TNS1: variants seen among roughly 807,000 people sequenced by gnomAD.
The protein encoded by TNS1 is tensin-1.
TNS1 carries 62 observed loss-of-function variants against 168.6 expected under a neutral mutation model. The ratio of observed to expected loss-of-function variants is 0.37; its 90% CI spans 0.30 to 0.45. The LOEUF (loss-of-function observed/expected upper bound fraction) is 0.45, where lower values mean the gene tolerates loss of function less well. TNS1 is among the 20% of genes least tolerant of loss of function. The pLI is 1.00. For missense variants in TNS1, 2,240 were observed against 2,339.4 expected, an observed-to-expected ratio of 0.96 and a Z score of 0.88; for synonymous variants, 934 against 933.2, an observed-to-expected ratio of 1.00 and a Z score of -0.02.
At chr2:217,961,914 G>C (rs779391132) in intron 3 of TNS1, among the ~76,000 whole-genome samples, 9 of 152,180 alleles carry the variant, frequency 5.9e-5, no homozygotes, top group African/African-American at 2.2e-4. Flanking sequence ...CCTTGAAAAG[G>C]TGGGTGGCCT....
chr2:217,827,963 G>A (rs1236677429), intron 22 of TNS1, among the ~76,000 whole-genome samples: 1 of 152,240 alleles, frequency 6.6e-6, no homozygotes, highest in African/African-American at 2.4e-5. Context: ...GAGTGTTTGA[G>A]ATACCACTGG....
At chr2:217,849,888 G>T in intron 18 of TNS1, 1 of 985,444 alleles carries the variant, frequency 1.0e-6, no homozygotes, top group Non-Finnish European at 1.2e-6. Flanking sequence ...CAGGGAGGCT[G>T]AAGGCAGAGC....
intron 23 of TNS1, among the ~76,000 whole-genome samples, chr2:217,819,514 C>A (rs553614339): frequency 6.6e-6 from 1 of 152,114 alleles, no homozygotes. Context: ...GAGGTCACTA[C>A]CAATTCTGAC....
chr2:217,899,519 C>T (rs888902079), intron 7 of TNS1, among the ~76,000 whole-genome samples: 2 of 152,216 alleles, frequency 1.3e-5, no homozygotes, highest in African/African-American at 4.8e-5. Context: ...AAACCCCTCT[C>T]TGTTCTGGCT....
chr2:217,833,433 C>A (rs1356959574), intron 21 of TNS1, among the ~76,000 whole-genome samples: 3 of 152,276 alleles, frequency 2.0e-5, no homozygotes, highest in Non-Finnish European at 4.4e-5. Context: ...CCCTGTGTGT[C>A]TATGGAACCT....
intron 3 of TNS1, among the ~76,000 whole-genome samples, chr2:217,946,937 G>GTT (rs1957120591): frequency 7.6e-6 from 1 of 130,814 alleles, no homozygotes; most frequent in Non-Finnish European, 1.6e-5. Flanking sequence ...TTCCACCATC[G>GTT]CTCTCTCTCT....
At chr2:217,888,632 G>A (rs1574962050) in intron 12 of TNS1, among the ~76,000 whole-genome samples, 2 of 152,264 alleles carry the variant, frequency 1.3e-5, no homozygotes, top group Admixed American at 1.3e-4. Context: ...TATTCTCGTG[G>A]TAGTGAATAA....
chr2:217,814,525 C>T (rs1336982096), intron 25 of TNS1, among the ~76,000 whole-genome samples: 1 of 152,192 alleles, frequency 6.6e-6, no homozygotes, highest in Non-Finnish European at 1.5e-5. Context: ...GTTGCTGACC[C>T]CTGTCCCACA....
At chr2:217,983,447 TGGCCTGAGA>T (rs1400844313) in intron 2 of TNS1, among the ~76,000 whole-genome samples, 5 of 152,138 alleles carry the variant, frequency 3.3e-5, no homozygotes, top group Admixed American at 3.3e-4. Flanking sequence ...GGCCCAGTGG[TGGCCTGAGA>T]GGGAGCAGAG....
chr2:217,987,426 C>G (rs1293441059), intron 2 of TNS1, among the ~76,000 whole-genome samples: 3 of 152,174 alleles, frequency 2.0e-5, no homozygotes, highest in Non-Finnish European at 4.4e-5. Flanking sequence ...CTTCCAAAAC[C>G]AGGACCAGAC....
In TNS1 at chr2:217,860,438, C is replaced by G. The variant is rs372232150; in HGVS notation, c.1430-11351G>C. On this transcript the variant is annotated intron_variant, in intron 18 of 32. Coordinates refer to ENST00000682258, the MANE Select transcript of TNS1 (RefSeq NM_001387777.1). The stretch of plus-strand genomic sequence containing the variant: ...AAGCAGAGGGGTTCTATGCCTCAGG[C>G]TCCACCTGGGGAAGACCACAGTTTG... Among the ~76,000 whole-genome samples, 8 of 152,254 alleles carry G rather than the reference C, an allele frequency of 5.3e-5. No homozygotes were observed. In the East Asian group the frequency reaches 1.3e-3, roughly 26 times the overall value.
intron 3 of TNS1, among the ~76,000 whole-genome samples, chr2:217,965,269 T>A (rs1319010365): frequency 6.6e-6 from 1 of 152,180 alleles, no homozygotes; most frequent in Non-Finnish European, 1.5e-5. Context: ...TGCCAGGATT[T>A]TACCTACATT....
chr2:218,019,025 C>T lies in TNS1; in HGVS notation c.156+14795G>A, dbSNP rs911411582. Among the ~76,000 whole-genome samples, 7 of 150,776 alleles carry T rather than the reference C, an allele frequency of 4.6e-5. No homozygotes were observed. In the East Asian group the frequency reaches 5.8e-4, roughly 13 times the overall value. ...CTGGGAAGTGGAGGTTGCAGTGAGC[C>T]GAGATCACACCACTGCACTACAGCC... is the stretch of plus-strand genomic sequence containing the variant. On this transcript the variant is annotated intron_variant, in intron 1 of 1. Transcript: ENST00000649572.
At chr2:217,898,558 C>T (rs920193426) in intron 7 of TNS1, among the ~76,000 whole-genome samples, 1 of 152,218 alleles carries the variant, frequency 6.6e-6, no homozygotes, top group African/African-American at 2.4e-5. Context: ...GCACACATTC[C>T]AGCCCTCCCG....
intron 3 of TNS1, among the ~76,000 whole-genome samples, chr2:217,962,126 T>C (rs66692436): frequency 0.27 from 40,865 of 152,108 alleles, 6,185 homozygotes; most frequent in African/African-American, 0.42. Flanking sequence ...AGAACCCTGA[T>C]GAATAAAATG....
At chr2:217,847,215 C>T (rs921026183) in intron 19 of TNS1, among the ~76,000 whole-genome samples, 3 of 152,218 alleles carry the variant, frequency 2.0e-5, no homozygotes, top group Non-Finnish European at 2.9e-5. Context: ...CCTCTGTCAC[C>T]GTACACATTA....
intron 21 of TNS1, 105 bp downstream of exon 21, chr2:217,834,986 G>T: frequency 1.0e-6 from 1 of 965,610 alleles, no homozygotes; most frequent in Non-Finnish European, 1.5e-6. Context: ...CCCACCTGGG[G>T]CACTGTCACC....
intron 18 of TNS1, among the ~76,000 whole-genome samples, chr2:217,872,693 C>T (rs895413061): frequency 1.3e-5 from 2 of 152,198 alleles, no homozygotes; most frequent in Non-Finnish European, 2.9e-5. Flanking sequence ...TGGCTATCTA[C>T]CCAAGAGCAA....
chr2:217,891,265 C>A (rs1225075032), intron 11 of TNS1, among the ~76,000 whole-genome samples: 2 of 152,160 alleles, frequency 1.3e-5, no homozygotes, highest in Admixed American at 6.5e-5. Flanking sequence ...GCACTCAGCC[C>A]AGGCTTTAAA....
Sources: allele counts gnomAD v4.1 joint callset (sites outside exome capture counted in the v4.1 genomes callset), GRCh38; gene constraint gnomAD v4.1.1; transcripts MANE v1.5; gene names NCBI Gene and HGNC (gene_info 2026-07-23, HGNC 2026-07-21).